Variants in STXBP6 observed in about 807,000 individuals in gnomAD.
STXBP6 encodes syntaxin binding protein 6.
In STXBP6, 21 loss-of-function variants were observed where a neutral mutation model predicts 26.9. The observed-to-expected ratio is 0.78, with a 90% CI of 0.55 to 1.12. The LOEUF is 1.12. STXBP6 is among the 50% of genes most tolerant of loss of function. STXBP6 has a pLI of 0.00. For missense variants in STXBP6, 232 were observed against 257.9 expected, an observed-to-expected ratio of 0.90 and a Z score of 0.69; for synonymous variants, 97 against 92.6, an observed-to-expected ratio of 1.05 and a Z score of -0.27.
At chr14:25,026,689 C>T (rs547226692) in intron 1 of STXBP6, among the ~76,000 whole-genome samples, 117 of 152,264 alleles carry the variant, frequency 7.7e-4, no homozygotes, top group Non-Finnish European at 1.2e-3. Flanking sequence ...CATCCCTTTT[C>T]TTGTTTGCTC....
At chr14:24,869,733 C>T (rs115597386) in intron 2 of STXBP6, among the ~76,000 whole-genome samples, 23 of 152,182 alleles carry the variant, frequency 1.5e-4, no homozygotes, top group Admixed American at 6.5e-4. Context: ...ACCTGTCCCA[C>T]GGTATCTTCC....
chr14:24,963,107 T>C (rs371260925), intron 2 of STXBP6, among the ~76,000 whole-genome samples: 31 of 152,288 alleles, frequency 2.0e-4, no homozygotes, highest in African/African-American at 7.5e-4. Context: ...ATTGTTTTTT[T>C]CCCCTTGGTT....
At chr14:24,929,221 A>G (rs915926042) in intron 2 of STXBP6, among the ~76,000 whole-genome samples, 15 of 152,248 alleles carry the variant, frequency 9.9e-5, no homozygotes, top group African/African-American at 3.6e-4. Context: ...TAGGCATTTC[A>G]GATGAACCTG....
At chr14:24,842,746 G>C (rs760576482) in intron 4 of STXBP6, among the ~76,000 whole-genome samples, 1 of 151,344 alleles carries the variant, frequency 6.6e-6, no homozygotes, top group Non-Finnish European at 1.5e-5. Context: ...CCTGAAATTA[G>C]ATAGCCCCAA....
chr14:25,049,172 T>C lies in STXBP6; in HGVS notation c.-33+706A>G. Reference sequence around the variant, plus strand: ...GTGAGGTGGCGGGGTGTTGTAAACCTGAGGAAAGGTTGGAGGGAAAATCAA... The same window carrying C: ...GTGAGGTGGCGGGGTGTTGTAAACCCGAGGAAAGGTTGGAGGGAAAATCAA... On this transcript the variant is annotated intron_variant, in intron 1 of 5. Transcript: ENST00000323944. The surrounding 1 kb of genome is among the most constrained non-coding windows in gnomAD (Gnocchi z 5.6). 1 of 985,460 alleles carries C rather than the reference T, an allele frequency of 1.0e-6. No individual in the cohort carries two copies. The allele number at this position is 985,460 out of a possible 1,614,324, so 61.0% of individuals were successfully genotyped here.
At chr14:24,897,827 T>C (rs2139601049) in intron 2 of STXBP6, among the ~76,000 whole-genome samples, 1 of 152,292 alleles carries the variant, frequency 6.6e-6, no homozygotes, top group East Asian at 1.9e-4. Flanking sequence ...GACCACTTAA[T>C]TGCTGTGGTG....
chr14:24,879,374 C>T (rs573348122), intron 2 of STXBP6, among the ~76,000 whole-genome samples: 1 of 152,180 alleles, frequency 6.6e-6, no homozygotes, highest in South Asian at 2.1e-4. Flanking sequence ...GTTTTGTACC[C>T]CAAAGCTTTT....
intron 1 of STXBP6, among the ~76,000 whole-genome samples, chr14:24,983,244 G>A (rs562669578): frequency 6.6e-6 from 1 of 152,248 alleles, no homozygotes; most frequent in Admixed American, 6.5e-5. Flanking sequence ...ATTAAAAAGA[G>A]CTCAACTTTT....
chr14:24,875,347 A>G (rs1047162816), intron 2 of STXBP6, among the ~76,000 whole-genome samples: 6 of 152,182 alleles, frequency 3.9e-5, no homozygotes, highest in African/African-American at 1.4e-4. Flanking sequence ...ACAGAATACC[A>G]CTTTATAGAT....
intron 2 of STXBP6, among the ~76,000 whole-genome samples, chr14:24,889,376 G>C (rs2070707873): frequency 7.4e-6 from 1 of 134,880 alleles, no homozygotes; most frequent in Non-Finnish European, 1.5e-5. Flanking sequence ...GATGCTATAA[G>C]AATACCCAGA....
intron 1 of STXBP6, among the ~76,000 whole-genome samples, chr14:25,029,829 AGTTAAGCT>A (rs1301114913): frequency 6.6e-6 from 1 of 152,160 alleles, no homozygotes; most frequent in African/African-American, 2.4e-5. Flanking sequence ...CTCATTTGGT[AGTTAAGCT>A]AAAAGTTCTT....
chr14:24,914,719 T>C (rs910659489), intron 2 of STXBP6, among the ~76,000 whole-genome samples: 3 of 152,202 alleles, frequency 2.0e-5, no homozygotes, highest in African/African-American at 7.2e-5. Context: ...ACTTTTGCAT[T>C]TAAGATGCAC....
chr14:24,948,836 T>C (rs901074592), intron 2 of STXBP6, among the ~76,000 whole-genome samples: 6 of 152,212 alleles, frequency 3.9e-5, no homozygotes, highest in African/African-American at 1.4e-4. Flanking sequence ...ACAATTAGTG[T>C]GACTGATTAT....
intron 1 of STXBP6, among the ~76,000 whole-genome samples, chr14:25,019,389 A>C (rs2075218498): frequency 6.6e-6 from 1 of 152,252 alleles, no homozygotes; most frequent in African/African-American, 2.4e-5. Flanking sequence ...TTAAGAATCT[A>C]TCAAAGAGCT....
chr14:24,910,953 T>C (rs1019944884), intron 2 of STXBP6, among the ~76,000 whole-genome samples: 1 of 152,072 alleles, frequency 6.6e-6, no homozygotes, highest in African/African-American at 2.4e-5. Flanking sequence ...ATCTGTAACA[T>C]TAAAAGAGAG....
intron 1 of STXBP6, among the ~76,000 whole-genome samples, chr14:24,991,173 A>AGAG (rs112495862): frequency 3.3e-5 from 5 of 149,468 alleles, no homozygotes; most frequent in Non-Finnish European, 7.4e-5. Context: ...GAGCAGAGAG[A>AGAG]GAGGAGGAGG....
chr14:24,865,340 T>G (rs2069679751), intron 2 of STXBP6, among the ~76,000 whole-genome samples: 1 of 152,060 alleles, frequency 6.6e-6, no homozygotes, highest in African/African-American at 2.4e-5. Flanking sequence ...TTGAGAGAGT[T>G]TCTAGGCTGT....
chr14:24,849,016 T>C (rs529970594), intron 4 of STXBP6, among the ~76,000 whole-genome samples: 1 of 152,248 alleles, frequency 6.6e-6, no homozygotes, highest in East Asian at 1.9e-4. Flanking sequence ...GTTACTTTGA[T>C]GGGTCACATA....
chr14:24,888,402 T>C (rs879674108), intron 2 of STXBP6, among the ~76,000 whole-genome samples: 1 of 151,930 alleles, frequency 6.6e-6, no homozygotes, highest in Non-Finnish European at 1.5e-5. Context: ...ATCACTACCT[T>C]TGGAAGTAGG....
Sources: allele counts gnomAD v4.1 joint callset (sites outside exome capture counted in the v4.1 genomes callset), GRCh38; gene constraint gnomAD v4.1.1; non-coding constraint Gnocchi (gnomAD v3.1); transcripts MANE v1.5; gene names NCBI Gene and HGNC (gene_info 2026-07-23, HGNC 2026-07-21).